PTPRZ1: variants seen among roughly 807,000 people sequenced by gnomAD.
PTPRZ1 encodes the protein receptor-type tyrosine-protein phosphatase zeta.
A neutral mutation model predicts 214.1 loss-of-function variants in PTPRZ1; 82 were observed. The observed-to-expected ratio is 0.38, with a 90% CI of 0.32 to 0.46. The LOEUF is 0.46. PTPRZ1 is among the 20% of genes least tolerant of loss of function. The pLI is 1.00. For synonymous variants in PTPRZ1, 945 were observed against 987.9 expected (o/e 0.96, Z 0.81); for missense variants, 2,603 against 2,748.7 (o/e 0.95, Z 1.19).
At chr7:122,051,967 T>A (rs924777588) in intron 25 of PTPRZ1, 28 bp downstream of exon 25, 1 of 1,559,234 alleles carries the variant, frequency 6.4e-7, no homozygotes, top group African/African-American at 1.4e-5. Flanking sequence ...CTGAGGAGAC[T>A]GCCAGCTTGT....
rs546168821 is a variant in PTPRZ1, at chr7:121,935,756, G to C, written c.124+7535G>C. 3.9e-5 allele frequency among the ~76,000 whole-genome samples: 6 copies of C among 152,128 alleles called. No individual in the cohort carries two copies. The South Asian group carries it at 1.2e-3, about 32-fold the overall frequency. ...GCTAATTTTTTGTATTTTTAGTAGA[G>C]ATGGGGTTTCACCGTGTTAGCCAGG... is the stretch of plus-strand genomic sequence containing the variant. On this transcript the variant is annotated intron_variant, in intron 2 of 29. Transcript: ENST00000393386.
Position 122,013,235 on chromosome 7 carries a change from A to G in PTPRZ1, c.4189A>G (p.Lys1397Glu). The stretch of plus-strand genomic sequence containing the variant: ...CTCAACAAAGTTGCTGTTTCCTTCT[A>G]AGGCAACTTCTGAGCTGAGTCATAG... ...VTSTKLLFPS[K>E]ATSELSHSAK... is the part of the protein sequence containing the mutation. Residue 1397 changes from lysine (K) to glutamate (E), a missense_variant, in exon 12 of 30, where the codon AAG becomes GAG. This residue lies in a region of PTPRZ1 where 1,913 missense variants were observed against 1,914.3 expected (regional missense o/e 1.00). Transcript: ENST00000393386. 4 of 1,614,162 alleles carry G rather than the reference A, an allele frequency of 2.5e-6. No individual in the cohort carries two copies. Among genetic ancestry groups the G allele is most frequent in the Non-Finnish European group, 3.4e-6 (4 of 1,180,028 alleles).
At chr7:121,941,121 T>C (rs893067169) in intron 2 of PTPRZ1, among the ~76,000 whole-genome samples, 1 of 152,222 alleles carries the variant, frequency 6.6e-6, no homozygotes, top group African/African-American at 2.4e-5. Context: ...TCATCTTCCC[T>C]TGTTCAGAAT....
Position 121,972,520 on chromosome 7 carries a change from CA to C in PTPRZ1, c.305-19del. The C allele has an allele frequency of 6.3e-7, 1 of 1,579,882 alleles. No homozygotes were observed. Among genetic ancestry groups the C allele is most frequent in the Non-Finnish European group, 8.6e-7 (1 of 1,164,240 alleles). ...ATTTTGATTTTCAGAAGCTTAGGTGCAATTGTATTTCTTTTTTTAGTGGAAA... is the reference window on the plus strand; with the variant it reads ...ATTTTGATTTTCAGAAGCTTAGGTGCATTGTATTTCTTTTTTTAGTGGAAA... On this transcript the variant is annotated intron_variant, in intron 3 of 29. Transcript: ENST00000393386.
intron 1 of PTPRZ1, among the ~76,000 whole-genome samples, chr7:121,876,322 A>G (rs10247917): frequency 6.6e-6 from 1 of 152,188 alleles, no homozygotes; most frequent in Non-Finnish European, 1.5e-5. Flanking sequence ...AGAGCTTTTA[A>G]GGAATAATTT....
At chr7:121,986,483 CAA>C (rs1365606654) in intron 8 of PTPRZ1, among the ~76,000 whole-genome samples, 2 of 152,126 alleles carry the variant, frequency 1.3e-5, no homozygotes, top group Non-Finnish European at 2.9e-5. Context: ...ATCCTAAGGT[CAA>C]ACACAGAAAC....
intron 1 of PTPRZ1, among the ~76,000 whole-genome samples, chr7:121,920,344 CATA>C (rs1186965649): frequency 3.9e-5 from 6 of 152,126 alleles, no homozygotes; most frequent in African/African-American, 1.4e-4. Flanking sequence ...CATATAATAA[CATA>C]ATACATAAAT....
intron 18 of PTPRZ1, among the ~76,000 whole-genome samples, chr7:122,037,671 T>G (rs1358612715): frequency 6.6e-6 from 1 of 152,198 alleles, no homozygotes; most frequent in Non-Finnish European, 1.5e-5. Context: ...CAGGCAACTG[T>G]TTCATGCTTC....
In PTPRZ1 at chr7:121,996,417, C is replaced by A; in HGVS notation, c.964C>A (p.Pro322Thr). ...AGAACCAGAAAATGTTCAGGCTGAC[C>A]CAGAGAATTATACCAGCCTTCTTGT... ...SSEPENVQAD[P>T]ENYTSLLVTW... Residue 322 changes from proline to threonine, a missense_variant, in exon 9 of 30, where the codon CCA (proline) becomes ACA (threonine). Physicochemically the swap from Pro to Thr is conservative, Grantham distance 38 (BLOSUM62 -1). Coordinates refer to ENST00000393386, the MANE Select transcript of PTPRZ1 (RefSeq NM_002851.3). 6.2e-7 allele frequency: 1 copy of A among 1,607,444 alleles called. No homozygotes were observed. Among genetic ancestry groups the A allele is most frequent in the Non-Finnish European group, 8.5e-7 (1 of 1,176,322 alleles).
At chr7:121,893,218 A>G (rs190795410) in intron 1 of PTPRZ1, among the ~76,000 whole-genome samples, 28 of 152,300 alleles carry the variant, frequency 1.8e-4, no homozygotes, top group Middle Eastern at 6.8e-3. Context: ...TAGTCACTGT[A>G]TCAGTTAGAA....
chr7:121,976,306 T>A (rs758207360), intron 5 of PTPRZ1, 38 bp downstream of exon 5: 1 of 1,199,532 alleles, frequency 8.3e-7, no homozygotes, highest in South Asian at 1.6e-5. Context: ...TAATTCCTTT[T>A]TAAGTCACAT....
chr7:121,963,230 A>G (rs1796933403), intron 2 of PTPRZ1, among the ~76,000 whole-genome samples: 2 of 152,172 alleles, frequency 1.3e-5, no homozygotes, highest in Non-Finnish European at 2.9e-5. Flanking sequence ...TACAATGGAT[A>G]AAGATATTTT....
At chr7:121,932,584 A>G (rs1392300938) in intron 2 of PTPRZ1, among the ~76,000 whole-genome samples, 1 of 152,210 alleles carries the variant, frequency 6.6e-6, no homozygotes, top group Non-Finnish European at 1.5e-5. Context: ...CAATCACGGA[A>G]GAAATGGCTT....
intron 1 of PTPRZ1, among the ~76,000 whole-genome samples, chr7:121,920,828 T>C (rs1306004308): frequency 6.6e-6 from 1 of 152,180 alleles, no homozygotes; most frequent in Non-Finnish European, 1.5e-5. Flanking sequence ...AAGTAGAGAA[T>C]GCTTTAAGTG....
intron 2 of PTPRZ1, among the ~76,000 whole-genome samples, chr7:121,937,568 G>A (rs1289017396): frequency 1.3e-5 from 2 of 152,188 alleles, no homozygotes; most frequent in African/African-American, 4.8e-5. Flanking sequence ...AGAAGAGGAA[G>A]ATGCTGGGGG....
At chr7:121,988,119 A>G (rs562552662) in intron 8 of PTPRZ1, among the ~76,000 whole-genome samples, 1 of 152,196 alleles carries the variant, frequency 6.6e-6, no homozygotes, top group Non-Finnish European at 1.5e-5. Context: ...ATCTTTTAGT[A>G]TTCTCATGTA....
intron 13 of PTPRZ1, among the ~76,000 whole-genome samples, 181 bp downstream of exon 13, chr7:122,019,449 A>T (rs1019985199): frequency 6.6e-6 from 1 of 152,212 alleles, no homozygotes; most frequent in South Asian, 2.1e-4. Context: ...TGTTCTTCAT[A>T]CATCAATTAA....
At chr7:121,918,621 A>G (rs1408663897) in intron 1 of PTPRZ1, among the ~76,000 whole-genome samples, 1 of 152,148 alleles carries the variant, frequency 6.6e-6, no homozygotes, top group East Asian at 1.9e-4. Context: ...TCTTTAATTT[A>G]TCTAGTTGTA....
intron 6 of PTPRZ1, among the ~76,000 whole-genome samples, chr7:121,981,775 T>C (rs199682218): frequency 6.6e-6 from 1 of 151,170 alleles, no homozygotes; most frequent in African/African-American, 2.4e-5. Flanking sequence ...TTTATTGGTG[T>C]GTGTGTGTGT....
Sources: allele counts gnomAD v4.1 joint callset (sites outside exome capture counted in the v4.1 genomes callset), GRCh38; gene constraint gnomAD v4.1.1; regional missense constraint gnomAD v4.1.1; transcripts MANE v1.5; gene names NCBI Gene and HGNC (gene_info 2026-07-23, HGNC 2026-07-21).